The following SLC44A5 variants were observed in gnomAD, a reference collection of about 807,000 sequenced individuals.
SLC44A5 encodes choline transporter-like protein 5.
In SLC44A5, 57 loss-of-function variants were observed where a neutral mutation model predicts 101.8. The observed-to-expected ratio is 0.56, with a 90% CI of 0.45 to 0.70. The LOEUF is 0.70. Ranked by LOEUF, SLC44A5 falls within the 30% of genes least tolerant of loss-of-function variation. The pLI, the probability that SLC44A5 is intolerant of heterozygous loss-of-function variation, is 0.00. For synonymous variants in SLC44A5, 281 were observed against 290.9 expected (o/e 0.97, Z 0.35); for missense variants, 737 against 853.1 (o/e 0.86, Z 1.70).
At chr1:75,693,562 C>G in the SLC44A5 span, among the ~76,000 whole-genome samples, 1 of 152,126 alleles carries the variant, frequency 6.6e-6, no homozygotes, top group Non-Finnish European at 1.5e-5. Flanking sequence ...TAGATAATCT[C>G]TAGATTCAAG....
chr1:75,338,017 G>A (rs552809628), intron 4 of SLC44A5, among the ~76,000 whole-genome samples: 10 of 152,264 alleles, frequency 6.6e-5, no homozygotes, highest in South Asian at 2.1e-4. Flanking sequence ...TTATTTTCCC[G>A]GTAAGGACAG....
the SLC44A5 span, among the ~76,000 whole-genome samples, chr1:75,668,873 T>C: frequency 1.5e-4 from 22 of 151,230 alleles, no homozygotes; most frequent in Non-Finnish European, 2.8e-4. Context: ...AACGCACCTG[T>C]AATCCCAGCT....
intron 3 of SLC44A5, among the ~76,000 whole-genome samples, chr1:75,361,897 T>C (rs1033442032): frequency 6.6e-6 from 1 of 152,054 alleles, no homozygotes; most frequent in African/African-American, 2.4e-5. Context: ...CTTCAATTTT[T>C]TGAAACAGTT....
chr1:75,568,728 C>T (rs573667853), intron 1 of SLC44A5, among the ~76,000 whole-genome samples: 15 of 152,280 alleles, frequency 9.9e-5, no homozygotes, highest in African/African-American at 3.1e-4. Context: ...CCTGCAATAG[C>T]GTCTTCCTTA....
chr1:75,344,982 CAT>C (rs72092922), intron 3 of SLC44A5, among the ~76,000 whole-genome samples: 9,981 of 152,042 alleles, frequency 0.066, 360 homozygotes, highest in Middle Eastern at 0.12. Flanking sequence ...CTGTTGTACA[CAT>C]AGCAGGCATT....
At chr1:75,517,937 T>G (rs1377443512) in intron 2 of SLC44A5, among the ~76,000 whole-genome samples, 1 of 152,198 alleles carries the variant, frequency 6.6e-6, no homozygotes, top group East Asian at 1.9e-4. Flanking sequence ...TGGATTTCTC[T>G]GAGATTTCCC....
chr1:75,710,832 G>A, the SLC44A5 span, among the ~76,000 whole-genome samples: 2 of 152,110 alleles, frequency 1.3e-5, no homozygotes, highest in Non-Finnish European at 2.9e-5. Flanking sequence ...GTATAATACG[G>A]TCTAGTGACA....
At chr1:75,216,323 A>T (rs984185368) in intron 18 of SLC44A5, among the ~76,000 whole-genome samples, 2 of 151,970 alleles carry the variant, frequency 1.3e-5, no homozygotes, top group Non-Finnish European at 2.9e-5. Flanking sequence ...TGTGTACATA[A>T]CACATTTTGT....
intron 2 of SLC44A5, among the ~76,000 whole-genome samples, chr1:75,400,371 T>A (rs1016756919): frequency 3.9e-5 from 6 of 152,154 alleles, no homozygotes; most frequent in Non-Finnish European, 1.5e-5. Context: ...GTAATAAAAA[T>A]TATTTTAATT....
At chr1:75,325,879 C>A (rs1464366728) in intron 4 of SLC44A5, among the ~76,000 whole-genome samples, 1 of 151,490 alleles carries the variant, frequency 6.6e-6, no homozygotes. Flanking sequence ...GGGGGTGCAA[C>A]CGAAGTCCAA....
intron 2 of SLC44A5, among the ~76,000 whole-genome samples, chr1:75,426,135 A>G (rs1260178533): frequency 6.6e-6 from 1 of 152,210 alleles, no homozygotes; most frequent in Non-Finnish European, 1.5e-5. Flanking sequence ...ATGAACAATG[A>G]AAGATTGTGA....
intron 2 of SLC44A5, among the ~76,000 whole-genome samples, chr1:75,500,430 A>G (rs1370238745): frequency 6.6e-6 from 1 of 151,978 alleles, no homozygotes; most frequent in Non-Finnish European, 1.5e-5. Context: ...AGTAATATTT[A>G]CCATCACTTT....
chr1:75,521,399 T>C, intron 2 of SLC44A5, among the ~76,000 whole-genome samples: 1 of 152,120 alleles, frequency 6.6e-6, no homozygotes, highest in East Asian at 1.9e-4. Context: ...ATAAAAAAAA[T>C]CACAACTTCT....
chr1:75,633,888 A>G, the SLC44A5 span, among the ~76,000 whole-genome samples: 1 of 152,314 alleles, frequency 6.6e-6, no homozygotes, highest in East Asian at 1.9e-4. Flanking sequence ...ATTTTGAGAT[A>G]TGTCCCATCA....
At chr1:75,565,095 C>G (rs929411967) in intron 1 of SLC44A5, among the ~76,000 whole-genome samples, 1 of 152,128 alleles carries the variant, frequency 6.6e-6, no homozygotes, top group African/African-American at 2.4e-5. Context: ...TTGACCATTA[C>G]AAACATTTAT....
intron 6 of SLC44A5, among the ~76,000 whole-genome samples, chr1:75,256,521 A>T (rs887494552): frequency 2.0e-5 from 3 of 152,154 alleles, no homozygotes; most frequent in African/African-American, 7.2e-5. Flanking sequence ...CCTGACAGTG[A>T]ATACAGTTTG....
chr1:75,582,626 C>T, intron 1 of SLC44A5: 1 of 257,442 alleles, frequency 3.9e-6, no homozygotes, highest in Non-Finnish European at 7.3e-6. Context: ...CTGCCGTCTG[C>T]ATAGGGCTGG....
chr1:75,276,451 T>A (rs1651926498), intron 5 of SLC44A5, among the ~76,000 whole-genome samples: 2 of 152,004 alleles, frequency 1.3e-5, no homozygotes, highest in South Asian at 4.1e-4. Context: ...GCCTTATTCT[T>A]TTTTTTGTAT....
intron 2 of SLC44A5, among the ~76,000 whole-genome samples, chr1:75,499,296 C>A (rs895751903): frequency 6.6e-6 from 1 of 152,206 alleles, no homozygotes; most frequent in Non-Finnish European, 1.5e-5. Context: ...GATCATCAGG[C>A]ATTAGATTAT....
Sources: gnomAD v4.1 joint callset for allele counts (sites outside exome capture counted in the v4.1 genomes callset) on GRCh38, gnomAD v4.1.1 for gene constraint, MANE v1.5 for transcripts, NCBI Gene and HGNC (gene_info 2026-07-23, HGNC 2026-07-21) for gene names.